Variants in SPATA6 observed in about 807,000 individuals in gnomAD.
The protein encoded by SPATA6 is spermatogenesis-associated protein 6.
A neutral mutation model predicts 65.3 loss-of-function variants in SPATA6; 56 were observed. That is an observed-to-expected ratio of 0.86 (90% confidence interval 0.69 to 1.07). The LOEUF (loss-of-function observed/expected upper bound fraction) is 1.07, where lower values mean the gene tolerates loss of function less well. Ranked by LOEUF, SPATA6 falls within the 50% of genes least tolerant of loss-of-function variation. The pLI is 0.00. For synonymous variants in SPATA6, 199 were observed against 213.2 expected (o/e 0.93, Z 0.58); for missense variants, 590 against 594.8 (o/e 0.99, Z 0.08).
chr1:48,426,824 A>T (rs1210910961), intron 3 of SPATA6, among the ~76,000 whole-genome samples: 1 of 152,172 alleles, frequency 6.6e-6, no homozygotes, highest in African/African-American at 2.4e-5. Context: ...TTAAGGAAGT[A>T]ATACAAGAAA....
chr1:48,365,456 G>A (rs1327438871), intron 9 of SPATA6, among the ~76,000 whole-genome samples: 3 of 152,068 alleles, frequency 2.0e-5, no homozygotes, highest in African/African-American at 4.8e-5. Context: ...CCATTTGTTT[G>A]TATCCTCTTT....
chr1:48,388,373 GAACA>G (rs542660163), intron 8 of SPATA6, among the ~76,000 whole-genome samples: 115 of 152,108 alleles, frequency 7.6e-4, no homozygotes, highest in African/African-American at 2.6e-3. Context: ...CAAAAAATTG[GAACA>G]AACAACTGAT....
At chr1:48,424,042 G>A (rs79365307) in intron 3 of SPATA6, among the ~76,000 whole-genome samples, 1,962 of 152,204 alleles carry the variant, frequency 0.013, 19 homozygotes, top group Middle Eastern at 0.027. Context: ...TACAATTAAA[G>A]TATTACTGAC....
chr1:48,314,099 T>G (rs927111577), intron 11 of SPATA6, among the ~76,000 whole-genome samples: 1 of 152,130 alleles, frequency 6.6e-6, no homozygotes. Context: ...ATGGGAGACT[T>G]TGACACCCCA....
chr1:48,456,862 C>T (rs550343192), intron 1 of SPATA6, among the ~76,000 whole-genome samples: 1 of 152,224 alleles, frequency 6.6e-6, no homozygotes, highest in South Asian at 2.1e-4. Context: ...AACAGAGTTT[C>T]AGACCTGTGG....
chr1:48,471,806 A>T, intron 1 of SPATA6, 152 bp downstream of exon 1: 1 of 875,394 alleles, frequency 1.1e-6, no homozygotes. Context: ...TCTGAGAACA[A>T]GATGGGGCAG....
intron 11 of SPATA6, among the ~76,000 whole-genome samples, chr1:48,337,766 A>G (rs1646100132): frequency 6.6e-6 from 1 of 151,994 alleles, no homozygotes. Context: ...ATCTAGAGCT[A>G]AATCTATAGA....
chr1:48,344,048 G>A (rs1050820502), intron 11 of SPATA6, among the ~76,000 whole-genome samples: 3 of 151,976 alleles, frequency 2.0e-5, no homozygotes, highest in African/African-American at 7.3e-5. Flanking sequence ...TGTAAGAAAG[G>A]AACAGACTGA....
intron 3 of SPATA6, among the ~76,000 whole-genome samples, chr1:48,419,824 TAAAGAG>T (rs1250803044): frequency 6.6e-6 from 1 of 152,066 alleles, no homozygotes; most frequent in Non-Finnish European, 1.5e-5. Flanking sequence ...TGATAGAAAT[TAAAGAG>T]AAAGTTTTCC....
intron 9 of SPATA6, among the ~76,000 whole-genome samples, chr1:48,370,637 A>G (rs1647209491): frequency 6.6e-6 from 1 of 152,216 alleles, no homozygotes; most frequent in South Asian, 2.1e-4. Context: ...CCCCTCTTAG[A>G]CCACTGTTCT....
Position 48,399,312 on chromosome 1 carries a change from TGATCAGTTTCAAATAGAAATGCTTAA to T in SPATA6, c.780+13_780+38del, listed in dbSNP as rs748418329. 3.8e-6 allele frequency: 6 copies of T among 1,566,338 alleles called. No homozygotes were observed. In the East Asian group the frequency reaches 1.4e-4, roughly 35 times the overall value. ...ATAACAGTTTTTTTGGGAAAAAAGC[TGATCAGTTTCAAATAGAAATGCTTAA>T]GAGAACACATACATGTCTAATCACA... On this transcript the variant is annotated intron_variant, in intron 7 of 12. Transcript: ENST00000371847.
intron 11 of SPATA6, among the ~76,000 whole-genome samples, chr1:48,331,298 T>TGCTGAAACCCAATGCAAGGAA (rs1553148971): frequency 6.6e-6 from 1 of 151,948 alleles, no homozygotes; most frequent in Admixed American, 6.6e-5. Context: ...TTCAGGAGAC[T>TGCTGAAACCCAATGCAAGGAA]GCTGAAACCC....
intron 11 of SPATA6, chr1:48,325,129 A>G (rs1451121395): frequency 5.8e-6 from 3 of 515,384 alleles, no homozygotes; most frequent in African/African-American, 5.8e-5. Flanking sequence ...CCTCTTTTGC[A>G]TACTTATTCT....
At chr1:48,326,915 G>A (rs1645779054) in intron 11 of SPATA6, among the ~76,000 whole-genome samples, 1 of 151,876 alleles carries the variant, frequency 6.6e-6, no homozygotes, top group Non-Finnish European at 1.5e-5. Context: ...GAAAACCTAG[G>A]GAAAAACTCT....
chr1:48,445,466 C>T (rs565204888), intron 3 of SPATA6, among the ~76,000 whole-genome samples: 8 of 152,076 alleles, frequency 5.3e-5, no homozygotes, highest in Admixed American at 3.3e-4. Context: ...CGAGACCATC[C>T]TGGCTAACAT....
chr1:48,468,811 G>A (rs1194494516), intron 1 of SPATA6, among the ~76,000 whole-genome samples: 3 of 152,168 alleles, frequency 2.0e-5, no homozygotes, highest in Admixed American at 2.0e-4. Context: ...ATCCCGGTTT[G>A]AAAAAGTTAA....
chr1:48,289,173 A>G, the SPATA6 span, among the ~76,000 whole-genome samples: 1 of 152,200 alleles, frequency 6.6e-6, no homozygotes, highest in African/African-American at 2.4e-5. Context: ...AGACAGCAAC[A>G]TTTGCTGTTC....
At chr1:48,388,014 T>C (rs773322466) in intron 8 of SPATA6, among the ~76,000 whole-genome samples, 1 of 152,134 alleles carries the variant, frequency 6.6e-6, no homozygotes, top group Non-Finnish European at 1.5e-5. Context: ...GTAGGCCAAC[T>C]AGAGGCCCAT....
intron 3 of SPATA6, among the ~76,000 whole-genome samples, chr1:48,420,993 A>G (rs1178934753): frequency 1.3e-5 from 2 of 152,154 alleles, no homozygotes; most frequent in Non-Finnish European, 2.9e-5. Context: ...AAAAACTATG[A>G]TATAACAGAA....
Sources: allele counts gnomAD v4.1 joint callset (sites outside exome capture counted in the v4.1 genomes callset), GRCh38; gene constraint gnomAD v4.1.1; transcripts MANE v1.5; gene names NCBI Gene and HGNC (gene_info 2026-07-23, HGNC 2026-07-21).